Variants in ADISSP observed in about 807,000 individuals in gnomAD.
The protein encoded by ADISSP is adipose-secreted signaling protein.
the ADISSP span, chr20:3,755,622 G>C: frequency 6.3e-7 from 1 of 1,582,764 alleles, no homozygotes; most frequent in Non-Finnish European, 8.6e-7. Flanking sequence ...AGCAGGAGAG[G>C]TGAGGGAGGG....
the ADISSP span, chr20:3,755,599 G>A: frequency 1.3e-6 from 2 of 1,597,220 alleles, no homozygotes; most frequent in Admixed American, 3.4e-5. Flanking sequence ...GGATCTTCAG[G>A]AAGCCAACCT....
At chr20:3,755,390 C>T in the ADISSP span, 2 of 1,402,094 alleles carry the variant, frequency 1.4e-6, no homozygotes, top group Non-Finnish European at 2.0e-6. Context: ...GCTGCCCATC[C>T]ACCCTAGTTG....
chr20:3,755,651 C>T, the ADISSP span: 1 of 1,555,468 alleles, frequency 6.4e-7, no homozygotes, highest in Non-Finnish European at 8.8e-7. Flanking sequence ...TCACTTCCTG[C>T]TTCCCGCAGG....
At chr20:3,762,846 C>T in the ADISSP span, among the ~76,000 whole-genome samples, 3 of 152,190 alleles carry the variant, frequency 2.0e-5, no homozygotes, top group East Asian at 1.9e-4. Flanking sequence ...GATCAACACA[C>T]ACTTAACAGA....
At chr20:3,758,807 G>C in the ADISSP span, 1 of 831,240 alleles carries the variant, frequency 1.2e-6, no homozygotes, top group South Asian at 1.8e-5. This position sits in a 1 kb window ranked among gnomAD's most constrained non-coding sequence, Gnocchi z 5.5. Context: ...TCTTTTCAGG[G>C]CTAGATGGAC....
chr20:3,759,961 G>T, the ADISSP span: 1 of 1,427,948 alleles, frequency 7.0e-7, no homozygotes, highest in Non-Finnish European at 9.5e-7. The surrounding 1 kb of genome is among the most constrained non-coding windows in gnomAD (Gnocchi z 4.6). Context: ...CAGCACACAC[G>T]CACTCACACA....
chr20:3,754,053 G>A, the ADISSP span: 92 of 1,608,518 alleles, frequency 5.7e-5, no homozygotes, highest in South Asian at 6.7e-4. Flanking sequence ...GCGGGGCCTC[G>A]GGCCTCAGTC....
the ADISSP span, among the ~76,000 whole-genome samples, chr20:3,756,385 C>A: frequency 6.6e-6 from 1 of 152,220 alleles, no homozygotes; most frequent in Non-Finnish European, 1.5e-5. Context: ...TTGGAAACTC[C>A]AGTAGTATGA....
chr20:3,763,766 T>C, the ADISSP span, among the ~76,000 whole-genome samples: 8,040 of 152,224 alleles, frequency 0.053, 289 homozygotes, highest in East Asian at 0.12. Flanking sequence ...GGTGGCCTCA[T>C]AGTTTAGGGC....
At chr20:3,757,689 C>T in the ADISSP span, among the ~76,000 whole-genome samples, 3 of 152,120 alleles carry the variant, frequency 2.0e-5, no homozygotes, top group Non-Finnish European at 2.9e-5. Context: ...AGTGCAGTGG[C>T]ACAATCTCAG....
the ADISSP span, among the ~76,000 whole-genome samples, chr20:3,759,818 A>AG: frequency 6.6e-6 from 1 of 152,118 alleles, no homozygotes. The surrounding 1 kb of genome is among the most constrained non-coding windows in gnomAD (Gnocchi z 4.6). Context: ...GTGGAACGGC[A>AG]GGGACACAAG....
chr20:3,758,776 T>C, the ADISSP span: 2 of 1,163,240 alleles, frequency 1.7e-6, no homozygotes, highest in Non-Finnish European at 2.5e-6. The surrounding 1 kb of genome is among the most constrained non-coding windows in gnomAD (Gnocchi z 5.5). Context: ...CTTGACATCA[T>C]CCAGCTCCCA....
chr20:3,760,161 C>A, the ADISSP span: 1 of 1,402,202 alleles, frequency 7.1e-7, no homozygotes, highest in Non-Finnish European at 1.0e-6. Flanking sequence ...AGCAGCCTCC[C>A]ATGCTCCAGG....
chr20:3,754,610 G>T, the ADISSP span: 1 of 1,357,482 alleles, frequency 7.4e-7, no homozygotes, highest in Non-Finnish European at 1.0e-6. Context: ...ACCACCATGG[G>T]GGGACTGCAT....
chr20:3,754,373 C>T, the ADISSP span: 101 of 1,601,482 alleles, frequency 6.3e-5, no homozygotes, highest in Non-Finnish European at 8.0e-5. Flanking sequence ...ATCCCTCCTC[C>T]AACCAGGAGC....
the ADISSP span, among the ~76,000 whole-genome samples, chr20:3,757,054 TA>T: frequency 1.3e-5 from 2 of 152,198 alleles, no homozygotes. Context: ...AATAACATTT[TA>T]AAAAGCTGGA....
chr20:3,765,398 T>C, the ADISSP span, among the ~76,000 whole-genome samples: 2 of 152,176 alleles, frequency 1.3e-5, no homozygotes, highest in Non-Finnish European at 2.9e-5. Context: ...AAATTCAGGA[T>C]CTGCCCTTGC....
At chr20:3,754,344 C>T in the ADISSP span, 1 of 1,594,018 alleles carries the variant, frequency 6.3e-7, no homozygotes, top group Non-Finnish European at 8.6e-7. Flanking sequence ...GACAGAAACC[C>T]TCGCAGTCGA....
the ADISSP span, chr20:3,753,758 G>A: frequency 2.2e-6 from 1 of 463,082 alleles, no homozygotes; most frequent in East Asian, 4.1e-5. Flanking sequence ...CTTGGGGTGG[G>A]GAGTGGGGGA....
Sources: gnomAD v4.1 joint callset for allele counts (sites outside exome capture counted in the v4.1 genomes callset) on GRCh38, gnomAD v4.1.1 for gene constraint, Gnocchi (gnomAD v3.1) non-coding constraint, MANE v1.5 for transcripts, NCBI Gene and HGNC (gene_info 2026-07-23, HGNC 2026-07-21) for gene names.